The following TRPV5 variants were observed in gnomAD, a reference collection of about 807,000 sequenced individuals.
TRPV5 encodes transient receptor potential cation channel subfamily V member 5, also known as calcium transport protein 2.
TRPV5 carries 66 observed loss-of-function variants against 74.1 expected under a neutral mutation model. The ratio of observed to expected loss-of-function variants is 0.89; its 90% CI spans 0.73 to 1.09. The LOEUF (loss-of-function observed/expected upper bound fraction) is 1.09, where lower values mean the gene tolerates loss of function less well. TRPV5 is among the 50% of genes least tolerant of loss of function. The probability of loss-of-function intolerance (pLI) is 0.00; values close to 1 mark genes in which losing one functional copy is unlikely to be tolerated. For synonymous variants in TRPV5, 399 were observed against 360.7 expected (o/e 1.11, Z -1.20); for missense variants, 936 against 930.4 (o/e 1.01, Z -0.08).
chr7:142,922,518 G>A (rs1795902700), intron 8 of TRPV5, among the ~76,000 whole-genome samples: 1 of 152,126 alleles, frequency 6.6e-6, no homozygotes. Context: ...AAATACCAAG[G>A]CCAGAGCCTC....
Position 142,915,310 on chromosome 7 carries a change from A to G in TRPV5, c.1283T>C (p.Ile428Thr), listed in dbSNP as rs1300530835. ...GCTGGAATGAGGGGATACTCACATG[A>G]TGACATGGAATGGCCCCCCAAGAAT... ...KTILGGPFHV[I>T]IITYASLVLV... is the part of the protein sequence containing the mutation. Residue 428 changes from isoleucine to threonine, a missense_variant, in exon 10 of 15, where the codon ATC becomes ACC. Physicochemically the swap from Ile to Thr is moderately conservative, Grantham distance 89 (BLOSUM62 -1). Transcript: ENST00000265310. 2 of 1,609,538 alleles carry G rather than the reference A, an allele frequency of 1.2e-6. No homozygotes were observed. The highest frequency in any genetic ancestry group is 1.7e-6 in the Non-Finnish European group (2 of 1,178,900).
chr7:142,927,501 T>C (rs560157051), intron 7 of TRPV5, among the ~76,000 whole-genome samples: 2 of 152,264 alleles, frequency 1.3e-5, no homozygotes, highest in East Asian at 1.9e-4. Context: ...CTGCAGGCTG[T>C]ACAGGTTCTG....
rs3840678 is a variant in TRPV5, at chr7:142,912,837, GATCT to G, written c.1520-91_1520-88del. 5.8e-3 allele frequency: 4,264 copies of G among 734,778 alleles called. 53 individuals carry two copies. The highest frequency in any genetic ancestry group is 0.04 in the African/African-American group (2,240 of 55,838). 45.5% of individuals were successfully genotyped at this position (734,778 alleles called of 1,614,324 possible). ...CATGGTTAGCACTTATTCTATCTCT[GATCT>G]ATCTATCTATCTATCTATCTATCTA... On this transcript the variant is annotated intron_variant, in intron 12 of 14. Transcript: ENST00000265310.
chr7:142,912,876 C>CTATA (rs1469663653), intron 12 of TRPV5, 126 bp from the exon 13 acceptor site: 2 of 1,111,926 alleles, frequency 1.8e-6, no homozygotes, highest in Admixed American at 2.5e-5. Flanking sequence ...ATCTATCTAT[C>CTATA]TATCTAAATA....
At chr7:142,929,254 C>G in intron 4 of TRPV5, 134 bp from the exon 5 acceptor site, 1 of 1,472,998 alleles carries the variant, frequency 6.8e-7, no homozygotes, top group South Asian at 1.3e-5. Context: ...TCCAGCAGAA[C>G]CAGAGGAAGG....
Position 142,930,165 on chromosome 7 carries a change from G to GTCT in TRPV5, c.239_241dup (p.Glu80_Thr81insLys). The GTCT allele has an allele frequency of 6.2e-7, 1 of 1,613,100 alleles. No homozygotes were observed. Among genetic ancestry groups the GTCT allele is most frequent in the Non-Finnish European group, 8.5e-7 (1 of 1,179,758 alleles). ...ATAGAGGGCTGCTATGTGCAGCGCCGTCTCCCCCAGGGCTCCTGGATTGGA... is the reference window on the plus strand; with the variant it reads ...ATAGAGGGCTGCTATGTGCAGCGCCGTCTTCTCCCCCAGGGCTCCTGGATTGGA... On this transcript the variant is annotated inframe_insertion, in exon 3 of 15. Transcript: ENST00000265310.
intron 12 of TRPV5, 109 bp downstream of exon 12, chr7:142,914,531 A>C (rs765505664): frequency 2.6e-5 from 27 of 1,034,744 alleles, no homozygotes; most frequent in African/African-American, 1.5e-4. Flanking sequence ...AACAAACAAA[A>C]AAAAAGAAAG....
At chr7:142,931,475 G>A (rs1796095687) in intron 1 of TRPV5, among the ~76,000 whole-genome samples, 3 of 152,254 alleles carry the variant, frequency 2.0e-5, no homozygotes, top group African/African-American at 7.2e-5. Flanking sequence ...TCATTCTACA[G>A]GACCTCTGTT....
At chr7:142,912,313 C>T (rs1231853584) in intron 13 of TRPV5, among the ~76,000 whole-genome samples, 169 bp downstream of exon 13, 1 of 152,246 alleles carries the variant, frequency 6.6e-6, no homozygotes, top group African/African-American at 2.4e-5. Flanking sequence ...CTCCTTCTGT[C>T]CCTTCCATTT....
Position 142,925,671 on chromosome 7 carries a change from GGCCGGCCAT to G in TRPV5, c.971_979del (p.Tyr324_Pro327delinsSer), listed in dbSNP as rs1255662734. ...CAAGGCAGCCAGGATGCAGAAGTAC[GGCCGGCCAT>G]ACTTGTTCCACTTGAAGCTCACCAG... On this transcript the variant is annotated inframe_deletion, in exon 8 of 15. Coordinates refer to ENST00000265310, the MANE Select transcript of TRPV5 (RefSeq NM_019841.7). The G allele has an allele frequency of 2.5e-6, 4 of 1,613,990 alleles. No individual in the cohort carries two copies. The African/African-American group carries it at 5.3e-5, about 22-fold the overall frequency.
intron 13 of TRPV5, among the ~76,000 whole-genome samples, chr7:142,910,222 G>A (rs951082966): frequency 5.9e-5 from 9 of 152,128 alleles, no homozygotes; most frequent in Admixed American, 2.0e-4. Flanking sequence ...AAATTATCTC[G>A]CTAGATTGGA....
Position 142,908,805 on chromosome 7 carries a change from A to T in TRPV5, c.1899T>A (p.Val633=). 1 of 1,608,622 alleles carries T rather than the reference A, an allele frequency of 6.2e-7. No homozygotes were observed. Among genetic ancestry groups the T allele is most frequent in the Non-Finnish European group, 8.5e-7 (1 of 1,177,244 alleles). Residue 633 remains valine, a synonymous_variant, in exon 15 of 15, where the codon GTT becomes GTA. Transcript: ENST00000265310. ...FGLGDRWFLR[V]ENHNDQNPLR... ...GAGGATTCTGATCATTGTGGTTCTC[A>T]ACCCTGATAAGGGGAAAGGGGAAAG...
intron 8 of TRPV5, among the ~76,000 whole-genome samples, chr7:142,917,857 G>A (rs909541936): frequency 2.6e-5 from 4 of 152,124 alleles, no homozygotes; most frequent in African/African-American, 9.7e-5. Context: ...GTAGGGTTTT[G>A]TTTGCTTTGT....
rs1454182443 is a variant in TRPV5 at position 142,912,467 on chromosome 7, C to T, written c.1788+15G>A. The T allele has an allele frequency of 3.7e-6, 6 of 1,604,654 alleles. No individual in the cohort carries two copies. In the East Asian group the frequency reaches 1.3e-4, roughly 36 times the overall value. On this transcript the variant is annotated intron_variant, in intron 13 of 14. Coordinates refer to ENST00000265310, the MANE Select transcript of TRPV5 (RefSeq NM_019841.7). ...AACCCCTGCTTCTTAGCAAGACTAA[C>T]ACAAATAAACTCACCTGGGCCCTCC...
intron 14 of TRPV5, among the ~76,000 whole-genome samples, chr7:142,909,135 G>A (rs1795666379): frequency 6.6e-6 from 1 of 152,134 alleles, no homozygotes; most frequent in Non-Finnish European, 1.5e-5. Flanking sequence ...AGGATGACGA[G>A]ATGCAATTCA....
At chr7:142,933,268 C>G in intron 1 of TRPV5, 64 bp downstream of exon 1, 1 of 1,589,406 alleles carries the variant, frequency 6.3e-7, no homozygotes, top group Non-Finnish European at 8.6e-7. Context: ...GAAAGCAGGC[C>G]CAGGTGGGTC....
At chr7:142,910,720 C>A (rs1795690319) in intron 13 of TRPV5, among the ~76,000 whole-genome samples, 1 of 152,152 alleles carries the variant, frequency 6.6e-6, no homozygotes, top group Non-Finnish European at 1.5e-5. Flanking sequence ...GTGCTCTTAC[C>A]CTGGATAGCT....
rs1201201626 is a variant in TRPV5, at chr7:142,925,541, T to C, written c.1110A>G (p.Gln370=). The change falls in exon 8 of 15, where the codon CAA becomes CAG. Residue 370 remains glutamine (Q), a synonymous_variant. Transcript: ENST00000265310. ...TGAGGAGAATCACCTGTAGTAGTTTTTGCTGGAGGATGGTGATGTCTCGAG... is the reference window on the plus strand; with the variant it reads ...TGAGGAGAATCACCTGTAGTAGTTTCTGCTGGAGGATGGTGATGTCTCGAG... The part of the protein sequence containing the change: ...THSRDITILQ[Q]KLLQEAYETR... The C allele has an allele frequency of 3.1e-6, 5 of 1,614,158 alleles. No homozygotes were observed. The highest frequency in any genetic ancestry group is 1.1e-5 in the South Asian group (1 of 91,078).
At chr7:142,917,037 G>A (rs1795812544) in intron 8 of TRPV5, among the ~76,000 whole-genome samples, 1 of 150,872 alleles carries the variant, frequency 6.6e-6, no homozygotes, top group Admixed American at 6.6e-5. Flanking sequence ...CAGAGTTTTT[G>A]TTTTGTTTTG....
Sources: allele counts gnomAD v4.1 joint callset (sites outside exome capture counted in the v4.1 genomes callset), GRCh38; gene constraint gnomAD v4.1.1; transcripts MANE v1.5; gene names NCBI Gene and HGNC (gene_info 2026-07-23, HGNC 2026-07-21).